Variants in PTPRN2 observed in about 807,000 individuals in gnomAD.
PTPRN2 encodes protein tyrosine phosphatase receptor type N2, also known as receptor-type tyrosine-protein phosphatase N2.
PTPRN2 carries 74 observed loss-of-function variants against 118.8 expected under a neutral mutation model. The ratio of observed to expected loss-of-function variants is 0.62; its 90% CI spans 0.52 to 0.76. The LOEUF is 0.76. PTPRN2 is among the 30% of genes least tolerant of loss of function. The pLI is 0.00. For synonymous variants in PTPRN2, 641 were observed against 608.0 expected (o/e 1.05, Z -0.80); for missense variants, 1,481 against 1,394.4 (o/e 1.06, Z -0.99).
chr7:158,069,967 A>G (rs570567554), intron 11 of PTPRN2, among the ~76,000 whole-genome samples: 1 of 152,354 alleles, frequency 6.6e-6, no homozygotes, highest in East Asian at 1.9e-4. Flanking sequence ...GAGTCGTCCA[A>G]AGTCACAAAA....
chr7:158,466,991 A>C (rs1194494035), intron 2 of PTPRN2, among the ~76,000 whole-genome samples: 1 of 152,222 alleles, frequency 6.6e-6, no homozygotes, highest in Non-Finnish European at 1.5e-5. Flanking sequence ...CAGTGAGCTG[A>C]GATCGTGCCA....
chr7:158,328,292 A>C (rs1803818295), intron 2 of PTPRN2, among the ~76,000 whole-genome samples: 2 of 152,354 alleles, frequency 1.3e-5, no homozygotes, highest in South Asian at 4.1e-4. Flanking sequence ...GGTCAGATTT[A>C]AGGAGCCGTT....
At chr7:157,860,239 G>A (rs978998735) in intron 12 of PTPRN2, among the ~76,000 whole-genome samples, 3 of 152,208 alleles carry the variant, frequency 2.0e-5, no homozygotes, top group African/African-American at 7.2e-5. Context: ...GCATACCCTG[G>A]ATTTCAGAGG....
chr7:158,203,813 AT>A, intron 4 of PTPRN2, among the ~76,000 whole-genome samples: 1 of 152,352 alleles, frequency 6.6e-6, no homozygotes, highest in East Asian at 1.9e-4. Context: ...AGTTGAAAAC[AT>A]TTTGGTGGGT....
At chr7:158,306,671 G>A (rs1368688931) in intron 3 of PTPRN2, among the ~76,000 whole-genome samples, 2 of 152,092 alleles carry the variant, frequency 1.3e-5, no homozygotes, top group East Asian at 3.8e-4. Context: ...AACACCTAAG[G>A]AGAGGGAAAT....
chr7:158,523,396 AGTCATCTGCCCTGGAGCG>A (rs1234497223), intron 1 of PTPRN2, among the ~76,000 whole-genome samples: 16 of 133,172 alleles, frequency 1.2e-4, no homozygotes, highest in African/African-American at 4.7e-4. Context: ...CCTGGAGCGG[AGTCATCTGCCCTGGAGCG>A]GAGTCTGCCC....
At chr7:158,536,928 C>T (rs773827475) in intron 1 of PTPRN2, among the ~76,000 whole-genome samples, 5 of 152,190 alleles carry the variant, frequency 3.3e-5, no homozygotes, top group African/African-American at 9.7e-5. Flanking sequence ...GACTGTGCCC[C>T]GGACTGAATG....
chr7:158,171,310 T>TATATACAC (rs1823653311), intron 5 of PTPRN2, among the ~76,000 whole-genome samples: 1 of 67,668 alleles, frequency 1.5e-5, no homozygotes, highest in African/African-American at 7.9e-5. Context: ...TATACACACA[T>TATATACAC]ATATATATAT....
At chr7:158,488,083 G>A (rs999592469) in intron 2 of PTPRN2, among the ~76,000 whole-genome samples, 4 of 152,126 alleles carry the variant, frequency 2.6e-5, no homozygotes, top group Non-Finnish European at 5.9e-5. Context: ...AGGAGCCGGG[G>A]AGACAGCCTC....
At chr7:157,716,001 G>C (rs547418381) in intron 12 of PTPRN2, among the ~76,000 whole-genome samples, 1 of 152,356 alleles carries the variant, frequency 6.6e-6, no homozygotes, top group African/African-American at 2.4e-5. Context: ...AACCCCATGT[G>C]AGACAGCCAC....
chr7:157,893,254 G>T lies in PTPRN2; in HGVS notation c.1788+5419C>A, dbSNP rs1400539583. Among the ~76,000 whole-genome samples, 1 of 152,182 alleles carries T rather than the reference G, an allele frequency of 6.6e-6. No individual in the cohort carries two copies. On this transcript the variant is annotated intron_variant, in intron 12 of 22. Transcript: ENST00000389418. This position sits in a 1 kb window ranked among gnomAD's most constrained non-coding sequence, Gnocchi z 4.0. ...AGGGATGACGGAGCCTCTGCCCCTG[G>T]GAATGGCAAGGTCCATCCTCTGCTC...
intron 11 of PTPRN2, among the ~76,000 whole-genome samples, chr7:157,962,388 C>A (rs1165272772): frequency 6.6e-6 from 1 of 152,148 alleles, no homozygotes; most frequent in African/African-American, 2.4e-5. Flanking sequence ...GTTTCCTGTT[C>A]CTTGGTGTTG....
At position 158,544,244 on chromosome 7, in the gene PTPRN2, G is replaced by A. The variant is rs1265567183; in HGVS notation, c.112+43314C>T. Among the ~76,000 whole-genome samples, 2 of 152,088 alleles carry A rather than the reference G, an allele frequency of 1.3e-5. No individual in the cohort carries two copies. The highest frequency in any genetic ancestry group is 2.9e-5 in the Non-Finnish European group (2 of 68,034). On this transcript the variant is annotated intron_variant, in intron 1 of 22. Transcript: ENST00000389418. The surrounding 1 kb of genome is among the most constrained non-coding windows in gnomAD (Gnocchi z 4.2). ...TGAACCCAAAAACAGGAACGGCAAC[G>A]TTGACTCTAAAGCAAGCGTATCCAG...
chr7:157,985,166 T>C (rs1803682131), intron 11 of PTPRN2, among the ~76,000 whole-genome samples: 1 of 152,244 alleles, frequency 6.6e-6, no homozygotes, highest in African/African-American at 2.4e-5. Flanking sequence ...TGGGCCCTAC[T>C]TGCATTTAAG....
intron 12 of PTPRN2, among the ~76,000 whole-genome samples, chr7:157,707,767 T>C (rs915042403): frequency 2.6e-5 from 4 of 152,062 alleles, no homozygotes; most frequent in African/African-American, 9.7e-5. Context: ...GCCCAGCTAA[T>C]TTTTGTATTT....
chr7:158,133,720 G>C lies in PTPRN2; in HGVS notation c.1513C>G (p.Pro505Ala). 6.2e-7 allele frequency: 1 copy of C among 1,610,126 alleles called. No individual in the cohort carries two copies. Among genetic ancestry groups the C allele is most frequent in the Non-Finnish European group, 8.5e-7 (1 of 1,177,876 alleles). The change falls in exon 9 of 23, where the codon CCT becomes GCT. Residue 505 changes from proline to alanine, a missense_variant. Physicochemically the swap from Pro to Ala is conservative, Grantham distance 27 (BLOSUM62 -1). Coordinates refer to ENST00000389418, the MANE Select transcript of PTPRN2 (RefSeq NM_002847.5). Reference sequence around the variant, plus strand: ...TAGCCCCGCGCCTCTTCCTCGGAAGGCTGGACCTCCAATTGCAGGCCGTCG... The same window carrying C: ...TAGCCCCGCGCCTCTTCCTCGGAAGCCTGGACCTCCAATTGCAGGCCGTCG... ...LSDGLQLEVQ[P>A]SEEEARGYIV...
In PTPRN2 at chr7:158,071,034, T is replaced by G. The variant is rs868649891; in HGVS notation, c.1723+10264A>C. Reference sequence around the variant, plus strand: ...GGAGGTGCTCGTGGTGGAGGTGCTCTTAGTATGGAGGTGCTCATGGTGGTG... The same window carrying G: ...GGAGGTGCTCGTGGTGGAGGTGCTCGTAGTATGGAGGTGCTCATGGTGGTG... On this transcript the variant is annotated intron_variant, in intron 11 of 22. Transcript: ENST00000389418. Among the ~76,000 whole-genome samples, 153 of 39,600 alleles carry G rather than the reference T, an allele frequency of 3.9e-3. 3 individuals are homozygous for G. The highest frequency in any genetic ancestry group is 5.9e-3 in the African/African-American group (28 of 4,780). The allele number at this position is 39,600 out of a possible 152,430, so 26.0% of individuals were successfully genotyped here.
chr7:158,021,037 T>A (rs1030154384), intron 11 of PTPRN2, among the ~76,000 whole-genome samples: 1 of 152,236 alleles, frequency 6.6e-6, no homozygotes, highest in East Asian at 1.9e-4. Flanking sequence ...GAGATTTCTA[T>A]ACTTAAAATT....
At position 158,022,143 on chromosome 7, in the gene PTPRN2, C is replaced by T. The variant is rs1806926111; in HGVS notation, c.1723+59155G>A. On this transcript the variant is annotated intron_variant, in intron 11 of 22. Coordinates refer to ENST00000389418, the MANE Select transcript of PTPRN2 (RefSeq NM_002847.5). The surrounding 1 kb of genome is among the most constrained non-coding windows in gnomAD (Gnocchi z 4.6). ...AGGTTTTCCCAGCCAAGTGCATCCT[C>T]TGCTTGTCAGCAGCTTCCACAGACA... Among the ~76,000 whole-genome samples, 1 of 152,182 alleles carries T rather than the reference C, an allele frequency of 6.6e-6. No individual in the cohort carries two copies. Among genetic ancestry groups the T allele is most frequent in the Non-Finnish European group, 1.5e-5 (1 of 68,036 alleles).
Sources: gnomAD v4.1 joint callset for allele counts (sites outside exome capture counted in the v4.1 genomes callset) on GRCh38, gnomAD v4.1.1 for gene constraint, Gnocchi (gnomAD v3.1) non-coding constraint, MANE v1.5 for transcripts, NCBI Gene and HGNC (gene_info 2026-07-23, HGNC 2026-07-21) for gene names.